The following C5orf58 variants were observed in gnomAD, a reference collection of about 807,000 sequenced individuals.
C5orf58 encodes chromosome 5 open reading frame 58.
In C5orf58, 2 loss-of-function variants were observed where a neutral mutation model predicts 2.9. The observed-to-expected ratio is 0.69, with a 90% CI of 0.28 to 2.18. The LOEUF (loss-of-function observed/expected upper bound fraction) is 2.18, where lower values mean the gene tolerates loss of function less well. Among genes scored for constraint, C5orf58 ranks in the 30% most tolerant of loss-of-function variants. C5orf58 has a pLI of 0.13. For synonymous variants in C5orf58, 37 were observed against 33.4 expected (o/e 1.11, Z -0.37); for missense variants, 96 against 91.7 (o/e 1.05, Z -0.19).
intron 3 of C5orf58, among the ~76,000 whole-genome samples, 156 bp from the exon 4 acceptor site, chr5:170,245,806 A>G (rs1468387365): frequency 6.6e-6 from 1 of 152,208 alleles, no homozygotes; most frequent in Non-Finnish European, 1.5e-5. Flanking sequence ...GAGAGCATAA[A>G]TCTTATTTTA....
Position 170,234,120 on chromosome 5 carries a change from T to G in C5orf58, c.-79T>G, listed in dbSNP as rs1342094976. 3 of 1,367,266 alleles carry G rather than the reference T, an allele frequency of 2.2e-6. No individual in the cohort carries two copies. The highest frequency in any genetic ancestry group is 2.9e-6 in the Non-Finnish European group (3 of 1,021,494). 84.7% of individuals were successfully genotyped at this position (1,367,266 alleles called of 1,614,324 possible). A position where few individuals can be genotyped will look rare whatever the true frequency, so the allele number is the denominator to read the frequency against. On this transcript the variant is annotated 5_prime_UTR_variant, in exon 2 of 4. Coordinates refer to ENST00000593851, the MANE Select transcript of C5orf58 (RefSeq NM_001102609.3). ...TGTCTGGGAAACAAAATTAGTTTTT[T>G]TACAGTGGCTCTGAAATGAGAGAAA...
At chr5:170,245,594 A>G (rs2113132117) in intron 3 of C5orf58, among the ~76,000 whole-genome samples, 1 of 152,288 alleles carries the variant, frequency 6.6e-6, no homozygotes, top group East Asian at 1.9e-4. Flanking sequence ...GACCCCTTGC[A>G]CTTCCCAAGT....
At chr5:170,244,781 G>T (rs1435961831) in intron 3 of C5orf58, among the ~76,000 whole-genome samples, 1 of 151,816 alleles carries the variant, frequency 6.6e-6, no homozygotes, top group African/African-American at 2.4e-5. Flanking sequence ...CTCTCAGCTC[G>T]TCAAAGTCAT....
downstream of C5orf58, chr5:170,248,926 G>GGCA: frequency 3.7e-6 from 4 of 1,091,018 alleles, no homozygotes; most frequent in Non-Finnish European, 5.3e-6. Context: ...CAAGTGATGA[G>GGCA]GATTGTGGGG....
intron 1 of C5orf58, 93 bp downstream of exon 1, chr5:170,233,100 C>T (rs1300383666): frequency 8.4e-6 from 4 of 474,716 alleles, no homozygotes; most frequent in Non-Finnish European, 1.1e-5. Context: ...GAGGCTCCAC[C>T]TTCCACCACC....
At chr5:170,234,567 A>C (rs893694291) in intron 2 of C5orf58, among the ~76,000 whole-genome samples, 3 of 152,234 alleles carry the variant, frequency 2.0e-5, no homozygotes, top group African/African-American at 7.2e-5. Context: ...CTGTGTACTT[A>C]AATCATATGT....
At position 170,232,985 on chromosome 5, in the gene C5orf58, G is replaced by C; in HGVS notation, c.-107G>C. The C allele has an allele frequency of 2.0e-6, 2 of 985,422 alleles. No individual in the cohort carries two copies. The highest frequency in any genetic ancestry group is 9.4e-5 in the South Asian group (2 of 21,290). The allele number at this position is 985,422 out of a possible 1,614,324, so 61.0% of individuals were successfully genotyped here. A position where few individuals can be genotyped will look rare whatever the true frequency, so the allele number is the denominator to read the frequency against. On this transcript the variant is annotated 5_prime_UTR_variant, in exon 1 of 4. Transcript: ENST00000593851. ...CACCGTCGGCTCCCTGCTCCTGTCA[G>C]AACCTCGGTGACGGTTGGCCAGGTG...
At chr5:170,248,209 C>T (rs1751384815), downstream of C5orf58, 4 of 152,644 alleles carry the variant, frequency 2.6e-5, no homozygotes. Context: ...TTTTTGAAGC[C>T]TCTTAAATTA....
At chr5:170,249,173 A>G (rs573184206), downstream of C5orf58, among the ~76,000 whole-genome samples, 6 of 152,046 alleles carry the variant, frequency 3.9e-5, no homozygotes, top group Non-Finnish European at 8.8e-5. Flanking sequence ...AAATAGAAAA[A>G]TATTAGCTGG....
In C5orf58 at chr5:170,246,047, C is replaced by T. The variant is rs750605956; in HGVS notation, c.180C>T (p.Asn60=). Residue 60 remains asparagine (N), a synonymous_variant, in exon 4 of 4, where the codon AAC becomes AAT. Coordinates refer to ENST00000593851, the MANE Select transcript of C5orf58 (RefSeq NM_001102609.3). ...AGAACTTAGCAGAAGCAGAAAGAAA[C>T]AACCCCCTCTTTGAAGAGTCTAAAA... ...KTENLAEAER[N]NPLFEESKIS... 19 of 1,613,516 alleles carry T rather than the reference C, an allele frequency of 1.2e-5. No individual in the cohort carries two copies. Among genetic ancestry groups the T allele is most frequent in the South Asian group, 3.3e-5 (3 of 91,078 alleles).
At chr5:170,237,752 G>T (rs1178602727) in intron 3 of C5orf58, among the ~76,000 whole-genome samples, 5 of 152,190 alleles carry the variant, frequency 3.3e-5, no homozygotes. Context: ...TAGCTGGGCA[G>T]CTATCCCTTC....
chr5:170,240,627 T>C (rs1459885121), intron 3 of C5orf58, among the ~76,000 whole-genome samples: 1 of 151,788 alleles, frequency 6.6e-6, no homozygotes, highest in Non-Finnish European at 1.5e-5. Flanking sequence ...GGGTTGTTTG[T>C]TTTTTTCTTG....
chr5:170,245,575 G>A (rs1453577323), intron 3 of C5orf58, among the ~76,000 whole-genome samples: 1 of 152,196 alleles, frequency 6.6e-6, no homozygotes, highest in East Asian at 1.9e-4. Flanking sequence ...CTCGGAAAGG[G>A]AACTCCCTGA....
intron 1 of C5orf58, 69 bp from the exon 2 acceptor site, chr5:170,234,046 A>G (rs1760635652): frequency 1.1e-6 from 1 of 897,598 alleles, no homozygotes; most frequent in African/African-American, 1.7e-5. Flanking sequence ...GGCAGCTGAC[A>G]TCCTGGAGAA....
intron 3 of C5orf58, among the ~76,000 whole-genome samples, chr5:170,236,471 A>T (rs1729819180): frequency 6.6e-6 from 1 of 152,146 alleles, no homozygotes; most frequent in Non-Finnish European, 1.5e-5. Flanking sequence ...TTAATTCATC[A>T]TTTCTCAAAA....
chr5:170,235,406 C>T (rs911071251), intron 3 of C5orf58, among the ~76,000 whole-genome samples: 13 of 152,194 alleles, frequency 8.5e-5, no homozygotes, highest in African/African-American at 3.1e-4. Flanking sequence ...TCTTACTAAG[C>T]CCCTAAGGTC....
chr5:170,240,179 T>A lies in C5orf58; in HGVS notation c.94+5109T>A, dbSNP rs533193930. ...TTTTCTTAATCCAGTCTATCACTGT[T>A]GGACATTTGGGTTGGTTCCAAGTCT... On this transcript the variant is annotated intron_variant, in intron 3 of 3. Transcript: ENST00000593851. Among the ~76,000 whole-genome samples, 4 of 151,728 alleles carry A rather than the reference T, an allele frequency of 2.6e-5. No individual in the cohort carries two copies. The South Asian group carries it at 8.4e-4, about 32-fold the overall frequency.
intron 3 of C5orf58, 93 bp from the exon 4 acceptor site, chr5:170,245,868 AT>A (rs1348981376): frequency 7.3e-6 from 9 of 1,241,090 alleles, no homozygotes; most frequent in Admixed American, 4.3e-5. Context: ...TCACTTGGAA[AT>A]TAGGAATTAG....
At chr5:170,250,165 C>G (rs1296669576), downstream of C5orf58, among the ~76,000 whole-genome samples, 1 of 152,124 alleles carries the variant, frequency 6.6e-6, no homozygotes, top group Admixed American at 6.6e-5. Context: ...GTTTCCTTTG[C>G]GAAAAACTAG....
Sources: allele counts gnomAD v4.1 joint callset (sites outside exome capture counted in the v4.1 genomes callset), GRCh38; gene constraint gnomAD v4.1.1; transcripts MANE v1.5; gene names NCBI Gene and HGNC (gene_info 2026-07-23, HGNC 2026-07-21).